IGSF11: variants seen among roughly 807,000 people sequenced by gnomAD.
IGSF11 encodes the protein CXADR like 1.
A neutral mutation model predicts 41.0 loss-of-function variants in IGSF11; 22 were observed. The ratio of observed to expected loss-of-function variants is 0.54; its 90% confidence interval spans 0.38 to 0.77. The LOEUF is 0.77. IGSF11 is among the 30% of genes least tolerant of loss of function. The pLI is 0.00. For synonymous variants in IGSF11, 219 were observed against 201.3 expected, an observed-to-expected ratio of 1.09 and a Z score of -0.74; for missense variants, 444 against 530.8, an observed-to-expected ratio of 0.84 and a Z score of 1.61.
At chr3:119,140,071 C>G (rs1056295860) in intron 1 of IGSF11, among the ~76,000 whole-genome samples, 1 of 151,704 alleles carries the variant, frequency 6.6e-6, no homozygotes, top group Non-Finnish European at 1.5e-5. Flanking sequence ...CTATTTAACA[C>G]AATAAAAGAA....
chr3:119,074,063 T>C (rs192243659), intron 1 of IGSF11, among the ~76,000 whole-genome samples: 1 of 152,204 alleles, frequency 6.6e-6, no homozygotes, highest in Non-Finnish European at 1.5e-5. Context: ...CACACAGTAA[T>C]AGTGGGAGAT....
intron 1 of IGSF11, among the ~76,000 whole-genome samples, chr3:119,041,989 G>A (rs984355226): frequency 6.6e-6 from 1 of 152,096 alleles, no homozygotes; most frequent in African/African-American, 2.4e-5. Context: ...GAAAAGAAAA[G>A]AAAATAGGCC....
chr3:118,925,207 G>A (rs1423442210), intron 4 of IGSF11, among the ~76,000 whole-genome samples: 1 of 152,178 alleles, frequency 6.6e-6, no homozygotes, highest in African/African-American at 2.4e-5. Flanking sequence ...GGCTTGTGGC[G>A]CTGGCTCTTT....
At chr3:118,923,076 C>T (rs1456864020) in intron 4 of IGSF11, among the ~76,000 whole-genome samples, 7 of 152,134 alleles carry the variant, frequency 4.6e-5, no homozygotes, top group Admixed American at 6.5e-5. Context: ...CGGGTTCTCT[C>T]AGCTGACGTG....
intron 1 of IGSF11, among the ~76,000 whole-genome samples, chr3:119,044,495 T>G (rs181432307): frequency 1.3e-5 from 2 of 152,116 alleles, no homozygotes; most frequent in Non-Finnish European, 2.9e-5. Context: ...TTTGAGGAAA[T>G]AATTGAGGAA....
intron 1 of IGSF11, among the ~76,000 whole-genome samples, chr3:119,045,887 G>A (rs1941327641): frequency 6.6e-6 from 1 of 152,000 alleles, no homozygotes; most frequent in African/African-American, 2.4e-5. Flanking sequence ...GGGGCACAGT[G>A]ACACCTCACA....
At chr3:118,996,799 C>T (rs113520063) in intron 1 of IGSF11, among the ~76,000 whole-genome samples, 1 of 151,992 alleles carries the variant, frequency 6.6e-6, no homozygotes, top group African/African-American at 2.4e-5. Context: ...CGGGGTTTCA[C>T]CGTGTAAGCC....
chr3:119,132,511 A>G (rs1399431923), intron 1 of IGSF11, among the ~76,000 whole-genome samples: 3 of 152,182 alleles, frequency 2.0e-5, no homozygotes, highest in Non-Finnish European at 4.4e-5. Context: ...TCAATTCAAC[A>G]GTAAGAGCTA....
In IGSF11 at chr3:119,071,683, T is replaced by C. The variant is rs1431215704; in HGVS notation, c.49+33461A>G. Among the ~76,000 whole-genome samples, 3 of 152,236 alleles carry C rather than the reference T, an allele frequency of 2.0e-5. No homozygotes were observed. In the East Asian group the frequency reaches 5.8e-4, roughly 29 times the overall value. ...GGACTTCTCAATTATATTCCATTGA[T>C]CTATATGTCCATCATCATGCCAGAG... is the stretch of plus-strand genomic sequence containing the variant. On this transcript the variant is annotated intron_variant, in intron 1 of 6. Coordinates refer to the IGSF11 transcript ENST00000354673.
intron 1 of IGSF11, among the ~76,000 whole-genome samples, chr3:118,934,671 T>C (rs997925609): frequency 1.3e-5 from 2 of 152,196 alleles, no homozygotes; most frequent in Admixed American, 6.5e-5. Context: ...AAACTATTCC[T>C]TTGCATGCCC....
Position 119,034,645 on chromosome 3 carries a change from G to A in IGSF11, c.-63C>T. On this transcript the variant is annotated 5_prime_UTR_variant, in exon 1 of 7. Transcript: ENST00000393775. The stretch of plus-strand genomic sequence containing the variant: ...CTCCCGGTCGCAACAGGAGAGGAGC[G>A]GGCGTGAGTCTCCGCGCTCTTGGGG... 2 of 1,499,184 alleles carry A rather than the reference G, an allele frequency of 1.3e-6. No individual in the cohort carries two copies. The highest frequency in any genetic ancestry group is 1.4e-5 in the African/African-American group (1 of 70,770). The allele number at this position is 1,499,184 out of a possible 1,614,324, so 92.9% of individuals were successfully genotyped here. A position where few individuals can be genotyped will look rare whatever the true frequency, so the allele number is the denominator to read the frequency against.
chr3:118,947,918 A>G (rs1299618826), intron 1 of IGSF11: 2 of 152,216 alleles, frequency 1.3e-5, no homozygotes, highest in East Asian at 3.8e-4. Flanking sequence ...TATTAAATAT[A>G]GCTATAGTTC....
intron 4 of IGSF11, among the ~76,000 whole-genome samples, chr3:118,912,936 G>C (rs1429477133): frequency 1.3e-5 from 2 of 152,148 alleles, no homozygotes; most frequent in East Asian, 1.9e-4. Context: ...GGAGTTTGAA[G>C]TTGCAGTGAG....
intron 4 of IGSF11, among the ~76,000 whole-genome samples, chr3:118,911,657 G>A (rs531375773): frequency 1.3e-5 from 2 of 151,820 alleles, no homozygotes; most frequent in African/African-American, 4.8e-5. Flanking sequence ...AGAAGAGAGA[G>A]AGAGAGAACA....
At chr3:119,144,741 CTATAGA>C (rs2077696668) in intron 1 of IGSF11, among the ~76,000 whole-genome samples, 1 of 151,990 alleles carries the variant, frequency 6.6e-6, no homozygotes, top group African/African-American at 2.4e-5. Flanking sequence ...ATATACATAC[CTATAGA>C]TATAGACACA....
At chr3:118,999,595 G>A (rs1250922318) in intron 1 of IGSF11, among the ~76,000 whole-genome samples, 7 of 152,118 alleles carry the variant, frequency 4.6e-5, no homozygotes, top group Non-Finnish European at 4.4e-5. Flanking sequence ...GTAAGTGACT[G>A]AGCAAAAAAT....
intron 1 of IGSF11, among the ~76,000 whole-genome samples, chr3:119,144,298 A>C (rs1265326920): frequency 6.6e-6 from 1 of 152,214 alleles, no homozygotes; most frequent in Admixed American, 6.5e-5. Context: ...GAACAACACT[A>C]TTGACCAATT....
At chr3:118,983,378 T>C (rs897669586) in intron 1 of IGSF11, 1 of 152,140 alleles carries the variant, frequency 6.6e-6, no homozygotes, top group Non-Finnish European at 1.5e-5. Context: ...TGCTCCAGAA[T>C]ACATTATGGC....
chr3:119,050,095 A>G (rs1234634911), intron 1 of IGSF11, among the ~76,000 whole-genome samples: 2 of 149,884 alleles, frequency 1.3e-5, no homozygotes, highest in African/African-American at 2.4e-5. Flanking sequence ...ATGGGCAAGG[A>G]CTTCATGTCT....
Sources: allele counts gnomAD v4.1 joint callset (sites outside exome capture counted in the v4.1 genomes callset), GRCh38; gene constraint gnomAD v4.1.1; transcripts MANE v1.5; gene names NCBI Gene and HGNC (gene_info 2026-07-23, HGNC 2026-07-21).